The following RBFOX1 variants were observed in gnomAD, a reference collection of about 807,000 sequenced individuals.
RBFOX1 encodes the protein RNA binding protein fox-1 homolog 1.
In RBFOX1, 8 loss-of-function variants were observed where a neutral mutation model predicts 57.7. The observed-to-expected ratio is 0.14, with a 90% CI of 0.08 to 0.25. RBFOX1 has a LOEUF of 0.25. Among genes scored for constraint, RBFOX1 ranks in the 10% least tolerant of loss-of-function variants. RBFOX1 has a pLI of 1.00. For synonymous variants in RBFOX1, 326 were observed against 222.4 expected (o/e 1.47, Z -4.15); for missense variants, 611 against 548.5 (o/e 1.11, Z -1.14).
chr16:5,907,408 G>C (rs1220982713), intron 4 of RBFOX1, among the ~76,000 whole-genome samples: 1 of 151,924 alleles, frequency 6.6e-6, no homozygotes, highest in Non-Finnish European at 1.5e-5. Context: ...GAGTCATGCT[G>C]CTTTTTTTCA....
intron 3 of RBFOX1, among the ~76,000 whole-genome samples, chr16:6,683,586 T>A (rs10459840): frequency 0.49 from 74,620 of 152,114 alleles, 22,098 homozygotes; most frequent in Non-Finnish European, 0.64. Context: ...CGTGTATACA[T>A]GTGTGTGTGT....
At chr16:7,436,045 T>G (rs1013978908) in intron 4 of RBFOX1, among the ~76,000 whole-genome samples, 1 of 152,192 alleles carries the variant, frequency 6.6e-6, no homozygotes, top group Non-Finnish European at 1.5e-5. Context: ...GAAAGCTCCC[T>G]GAACATCGTG....
chr16:7,418,082 C>CT (rs2098501947), intron 4 of RBFOX1, among the ~76,000 whole-genome samples: 2 of 152,140 alleles, frequency 1.3e-5, no homozygotes, highest in African/African-American at 4.8e-5. Flanking sequence ...CTGTCACTCT[C>CT]TGCCCAACCC....
chr16:6,616,340 C>T (rs1037582246), intron 2 of RBFOX1, among the ~76,000 whole-genome samples: 4 of 151,814 alleles, frequency 2.6e-5, no homozygotes, highest in African/African-American at 7.3e-5. Flanking sequence ...CACCCCCAAC[C>T]GTGCCCAGTG....
chr16:5,680,011 G>A (rs1248596095), intron 3 of RBFOX1, among the ~76,000 whole-genome samples: 1 of 152,220 alleles, frequency 6.6e-6, no homozygotes, highest in Non-Finnish European at 1.5e-5. Context: ...CTCCCTATGA[G>A]TGTGTTGAAT....
chr16:5,942,237 C>T (rs565326054), intron 4 of RBFOX1, among the ~76,000 whole-genome samples: 25 of 152,192 alleles, frequency 1.6e-4, no homozygotes, highest in Middle Eastern at 3.4e-3. Flanking sequence ...CCATAGTTTG[C>T]AGGCTAGGGT....
intron 4 of RBFOX1, among the ~76,000 whole-genome samples, chr16:7,470,510 T>G (rs1461624682): frequency 1.3e-5 from 2 of 151,656 alleles, no homozygotes; most frequent in Non-Finnish European, 2.9e-5. Flanking sequence ...AATGGTTGGA[T>G]GGATGGAGGG....
In RBFOX1 at chr16:7,713,337, G is replaced by T. The variant is rs975440461; in HGVS notation, c.*2592G>T. On this transcript the variant is annotated 3_prime_UTR_variant, in exon 16 of 16. Coordinates refer to ENST00000550418, the MANE Select transcript of RBFOX1 (RefSeq NM_018723.4). The stretch of plus-strand genomic sequence containing the variant: ...AAAAAATAAAAGCTTAGTCTGAAAA[G>T]GTACAAGTTGGTGTTCTGAGTTATT... 1 of 152,228 alleles carries T rather than the reference G, an allele frequency of 6.6e-6. No individual in the cohort carries two copies. Among genetic ancestry groups the T allele is most frequent in the Non-Finnish European group, 1.5e-5 (1 of 68,016 alleles). 9.4% of individuals were successfully genotyped at this position (152,228 alleles called of 1,614,324 possible). A position where few individuals can be genotyped will look rare whatever the true frequency, so the allele number is the denominator to read the frequency against.
At chr16:6,650,057 G>T (rs117113270) in intron 2 of RBFOX1, among the ~76,000 whole-genome samples, 1 of 152,066 alleles carries the variant, frequency 6.6e-6, no homozygotes, top group Admixed American at 6.6e-5. Context: ...TTTGACATAC[G>T]GATTTCATTT....
intron 2 of RBFOX1, among the ~76,000 whole-genome samples, chr16:6,501,135 T>C (rs1281088020): frequency 1.3e-5 from 2 of 148,932 alleles, no homozygotes; most frequent in Non-Finnish European, 3.0e-5. Context: ...AACATTCTTT[T>C]TTTTTTTTTT....
At chr16:7,031,610 G>A (rs73538953) in intron 3 of RBFOX1, among the ~76,000 whole-genome samples, 21,955 of 140,826 alleles carry the variant, frequency 0.16, 3,043 homozygotes, top group African/African-American at 0.35. Context: ...AAAAAAAAAA[G>A]AAAGAAAAGA....
At chr16:7,431,577 G>A (rs1489833978) in intron 4 of RBFOX1, among the ~76,000 whole-genome samples, 2 of 152,078 alleles carry the variant, frequency 1.3e-5, no homozygotes, top group Admixed American at 1.3e-4. Flanking sequence ...AAAAAATGCT[G>A]GTAAAATACA....
intron 2 of RBFOX1, among the ~76,000 whole-genome samples, chr16:6,463,793 C>T (rs890241815): frequency 6.6e-6 from 1 of 152,192 alleles, no homozygotes; most frequent in African/African-American, 2.4e-5. Flanking sequence ...GCAAAGCACA[C>T]TGAATCACGT....
chr16:6,976,453 A>G (rs1302648094), intron 3 of RBFOX1, among the ~76,000 whole-genome samples: 1 of 152,088 alleles, frequency 6.6e-6, no homozygotes, highest in Non-Finnish European at 1.5e-5. Context: ...GTTTTGTTCC[A>G]GGAAAGGGGT....
chr16:7,217,641 A>C (rs1391807328), intron 4 of RBFOX1, among the ~76,000 whole-genome samples: 1 of 152,022 alleles, frequency 6.6e-6, no homozygotes, highest in African/African-American at 2.4e-5. Context: ...AAAAGGAAAA[A>C]AAAATGTCAG....
chr16:7,368,898 C>T (rs557676263), intron 4 of RBFOX1, among the ~76,000 whole-genome samples: 1 of 152,126 alleles, frequency 6.6e-6, no homozygotes, highest in South Asian at 2.1e-4. Context: ...AGAAAGTGCC[C>T]TCTAATGGCC....
At chr16:6,597,557 C>T (rs1489346750) in intron 2 of RBFOX1, among the ~76,000 whole-genome samples, 1 of 152,048 alleles carries the variant, frequency 6.6e-6, no homozygotes, top group African/African-American at 2.4e-5. Flanking sequence ...CCTGTAGTCC[C>T]AGCTATTCGG....
intron 1 of RBFOX1, among the ~76,000 whole-genome samples, chr16:6,249,162 A>G (rs757798619): frequency 6.6e-6 from 1 of 152,172 alleles, no homozygotes; most frequent in Non-Finnish European, 1.5e-5. Context: ...AGAAGGTAGC[A>G]TATGGGCAAA....
intron 4 of RBFOX1, among the ~76,000 whole-genome samples, chr16:7,151,829 T>G (rs1424163521): frequency 2.0e-5 from 3 of 152,036 alleles, no homozygotes; most frequent in Non-Finnish European, 4.4e-5. Context: ...GCAACCTAGC[T>G]CCTTCGCATG....
Sources: allele counts gnomAD v4.1 joint callset (sites outside exome capture counted in the v4.1 genomes callset), GRCh38; gene constraint gnomAD v4.1.1; transcripts MANE v1.5; gene names NCBI Gene and HGNC (gene_info 2026-07-23, HGNC 2026-07-21).